Variants in SPICE1 observed in about 807,000 individuals in gnomAD.
SPICE1 encodes spindle and centriole-associated protein 1.
In SPICE1, 75 loss-of-function variants were observed where a neutral mutation model predicts 102.7. The observed-to-expected ratio is 0.73, with a 90% CI of 0.61 to 0.88. The LOEUF is 0.88. Ranked by LOEUF, SPICE1 falls within the 40% of genes least tolerant of loss-of-function variation. The probability of loss-of-function intolerance (pLI) is 0.00; values close to 1 mark genes in which losing one functional copy is unlikely to be tolerated. For synonymous variants in SPICE1, 308 were observed against 350.3 expected, an observed-to-expected ratio of 0.88 and a Z score of 1.35; for missense variants, 979 against 1,020.1, an observed-to-expected ratio of 0.96 and a Z score of 0.55.
chr3:113,512,516 C>G (rs960039600), intron 1 of SPICE1, among the ~76,000 whole-genome samples: 1 of 148,298 alleles, frequency 6.7e-6, no homozygotes, highest in Non-Finnish European at 1.5e-5. Flanking sequence ...TCAAGCGATT[C>G]TCCTCCCTCA....
chr3:113,461,618 G>A (rs926090476), intron 11 of SPICE1, among the ~76,000 whole-genome samples: 5 of 152,154 alleles, frequency 3.3e-5, no homozygotes, highest in African/African-American at 2.4e-5. Context: ...TTACACAAAT[G>A]TTCCTAGAAG....
intron 7 of SPICE1, among the ~76,000 whole-genome samples, chr3:113,477,230 A>C (rs1936373316): frequency 6.6e-6 from 1 of 152,300 alleles, no homozygotes; most frequent in Non-Finnish European, 1.5e-5. Flanking sequence ...TCAAAACCAC[A>C]ATGAGATATC....
chr3:113,463,087 C>G (rs1935970437), intron 11 of SPICE1, among the ~76,000 whole-genome samples: 1 of 152,236 alleles, frequency 6.6e-6, no homozygotes. Context: ...CAGCTACCCA[C>G]ATGCTCACTC....
At position 113,493,247 on chromosome 3, in the gene SPICE1, T is replaced by C. The variant is rs754757010; in HGVS notation, c.451A>G (p.Ile151Val). 1.9e-6 allele frequency: 3 copies of C among 1,612,734 alleles called. No homozygotes were observed. The highest frequency in any genetic ancestry group is 1.7e-5 in the Admixed American group (1 of 59,752). The change falls in exon 6 of 18, where the codon ATC becomes GTC. Residue 151 changes from isoleucine to valine, a missense_variant. Ile to Val is a conservative substitution (Grantham distance 29). Transcript: ENST00000295872. ...QGPIVVNQDPITQSIFNESVI... is the reference protein window; with the variant it reads ...QGPIVVNQDPVTQSIFNESVI... Reference sequence around the variant, plus strand: ...GACTCATTAAAGATAGATTGGGTGATAGGGTCTTGATTTACCACAATGGGA... The same window carrying C: ...GACTCATTAAAGATAGATTGGGTGACAGGGTCTTGATTTACCACAATGGGA...
At chr3:113,464,093 G>C (rs965499993) in intron 11 of SPICE1, among the ~76,000 whole-genome samples, 1 of 151,732 alleles carries the variant, frequency 6.6e-6, no homozygotes, top group South Asian at 2.1e-4. Flanking sequence ...AAGGGTACAG[G>C]ATTTCTCTCT....
At position 113,494,150 on chromosome 3, in the gene SPICE1, T is replaced by A; in HGVS notation, c.292-8A>T. ...GTATTGATCAGAAAGAATCTAGACATGTGTTAATGACAAATATTATTATTC... is the reference window on the plus strand; with the variant it reads ...GTATTGATCAGAAAGAATCTAGACAAGTGTTAATGACAAATATTATTATTC... On this transcript the variant is annotated splice_polypyrimidine_tract_variant and splice_region_variant and intron_variant, in intron 4 of 17. Transcript: ENST00000295872. The A allele has an allele frequency of 6.5e-7, 1 of 1,547,614 alleles. No homozygotes were observed. The highest frequency in any genetic ancestry group is 8.9e-7 in the Non-Finnish European group (1 of 1,128,942).
At chr3:113,511,302 C>A (rs1259170962) in intron 1 of SPICE1, among the ~76,000 whole-genome samples, 1 of 152,170 alleles carries the variant, frequency 6.6e-6, no homozygotes, top group Non-Finnish European at 1.5e-5. Context: ...TATAAAGATA[C>A]ACACACATAT....
In SPICE1 at chr3:113,443,928, T is replaced by A. The variant is rs1576617472; in HGVS notation, c.*1379A>T. ...ATTTTGTTTACAGCATAAGAATGAT[T>A]ATATGATAACTGTGGATGTTGTTAT... On this transcript the variant is annotated 3_prime_UTR_variant, in exon 18 of 18. Transcript: ENST00000295872. 1 of 152,242 alleles carries A rather than the reference T, an allele frequency of 6.6e-6. No individual in the cohort carries two copies. The highest frequency in any genetic ancestry group is 2.4e-5 in the African/African-American group (1 of 41,466). 9.4% of individuals were successfully genotyped at this position (152,242 alleles called of 1,614,324 possible).
intron 13 of SPICE1, among the ~76,000 whole-genome samples, chr3:113,454,789 C>T (rs1279977723): frequency 6.6e-6 from 1 of 151,842 alleles, no homozygotes; most frequent in African/African-American, 2.4e-5. Context: ...TTATCAGACA[C>T]AAGTGACTGA....
intron 7 of SPICE1, among the ~76,000 whole-genome samples, chr3:113,473,544 G>A (rs926325360): frequency 8.5e-5 from 13 of 152,080 alleles, no homozygotes; most frequent in Non-Finnish European, 1.5e-4. Flanking sequence ...GAGAAAGGTC[G>A]GGTTACTGAC....
In SPICE1 at chr3:113,443,211, G is replaced by C. The variant is rs1250242990; in HGVS notation, c.*2096C>G. 1 of 152,126 alleles carries C rather than the reference G, an allele frequency of 6.6e-6. No homozygotes were observed. Among genetic ancestry groups the C allele is most frequent in the Non-Finnish European group, 1.5e-5 (1 of 68,036 alleles). 9.4% of individuals were successfully genotyped at this position (152,126 alleles called of 1,614,324 possible). A position where few individuals can be genotyped will look rare whatever the true frequency, so the allele number is the denominator to read the frequency against. On this transcript the variant is annotated 3_prime_UTR_variant, in exon 18 of 18. Coordinates refer to ENST00000295872, the MANE Select transcript of SPICE1 (RefSeq NM_144718.4). ...CTCACTTAATCCTCACAAGCCTCTAGGGAAGACATTATGTCTGACTTTCAA... is the reference window on the plus strand; with the variant it reads ...CTCACTTAATCCTCACAAGCCTCTACGGAAGACATTATGTCTGACTTTCAA...
At chr3:113,483,727 C>G (rs935020582) in intron 7 of SPICE1, among the ~76,000 whole-genome samples, 19 of 152,108 alleles carry the variant, frequency 1.2e-4, no homozygotes, top group African/African-American at 3.6e-4. Flanking sequence ...GGGATGAAGC[C>G]AACTTGATTG....
chr3:113,514,881 G>C lies in SPICE1; in HGVS notation c.-1+16C>G. On this transcript the variant is annotated intron_variant, in intron 1 of 17. Coordinates refer to ENST00000295872, the MANE Select transcript of SPICE1 (RefSeq NM_144718.4). ...GCCACGCACAAACATACCCAGACACGCACCCTGACACGTACTTGCACTCTC... is the reference window on the plus strand; with the variant it reads ...GCCACGCACAAACATACCCAGACACCCACCCTGACACGTACTTGCACTCTC... The C allele has an allele frequency of 8.3e-7, 1 of 1,205,466 alleles. No homozygotes were observed. 74.7% of individuals were successfully genotyped at this position (1,205,466 alleles called of 1,614,324 possible). A position where few individuals can be genotyped will look rare whatever the true frequency, so the allele number is the denominator to read the frequency against.
chr3:113,482,160 C>A (rs1488763911), intron 7 of SPICE1, among the ~76,000 whole-genome samples: 1 of 152,158 alleles, frequency 6.6e-6, no homozygotes, highest in African/African-American at 2.4e-5. Flanking sequence ...TCTCTGATGA[C>A]CAGTGATGAT....
At chr3:113,460,458 A>G (rs1176077836) in intron 12 of SPICE1, 159 bp downstream of exon 12, 5 of 984,912 alleles carry the variant, frequency 5.1e-6, no homozygotes, top group Non-Finnish European at 6.0e-6. Flanking sequence ...CATGCATCCA[A>G]TATTAGCTGG....
At chr3:113,501,956 G>A (rs1202071700) in intron 3 of SPICE1, among the ~76,000 whole-genome samples, 1 of 152,150 alleles carries the variant, frequency 6.6e-6, no homozygotes, top group Non-Finnish European at 1.5e-5. Flanking sequence ...GTACATGAAT[G>A]TTCACAGCAG....
rs373628750 is a variant in SPICE1 at position 113,468,737 on chromosome 3, A to C, written c.889+25T>G. 2.3e-4 allele frequency: 361 copies of C among 1,601,338 alleles called. 1 individual carries two copies. Among genetic ancestry groups the C allele is most frequent in the Middle Eastern group, 3.4e-4 (2 of 5,886 alleles). ...GTATCAAGTTACATGTTTAATATTC[A>C]TCTTTGTAAATTAAGGGACTGAACC... is the stretch of plus-strand genomic sequence containing the variant. On this transcript the variant is annotated intron_variant, in intron 9 of 17. Coordinates refer to ENST00000295872, the MANE Select transcript of SPICE1 (RefSeq NM_144718.4).
intron 1 of SPICE1, among the ~76,000 whole-genome samples, chr3:113,510,132 C>T (rs146477773): frequency 1.3e-5 from 2 of 152,116 alleles, no homozygotes; most frequent in African/African-American, 4.8e-5. Context: ...ACAATTAACC[C>T]TTTTCCCAAA....
At chr3:113,478,077 C>T (rs1256374694) in intron 7 of SPICE1, among the ~76,000 whole-genome samples, 3 of 150,948 alleles carry the variant, frequency 2.0e-5, no homozygotes, top group Non-Finnish European at 4.4e-5. Flanking sequence ...AGGTAACCAC[C>T]AGAACAAAAT....
Sources: gnomAD v4.1 joint callset for allele counts (sites outside exome capture counted in the v4.1 genomes callset) on GRCh38, gnomAD v4.1.1 for gene constraint, MANE v1.5 for transcripts, NCBI Gene and HGNC (gene_info 2026-07-23, HGNC 2026-07-21) for gene names.